Variants in RBMS3 observed in about 807,000 individuals in gnomAD.
RBMS3 encodes RNA binding motif single stranded interacting protein 3, also known as RNA-binding motif, single-stranded-interacting protein 3.
Under a neutral mutation model 66.8 loss-of-function variants are expected in RBMS3, and 27 were observed. The ratio of observed to expected loss-of-function variants is 0.40; its 90% confidence interval spans 0.30 to 0.56. The LOEUF (loss-of-function observed/expected upper bound fraction) is 0.56. Ranked by LOEUF, RBMS3 falls within the 20% of genes least tolerant of loss-of-function variation. The pLI, the probability that RBMS3 is intolerant of heterozygous loss-of-function variation, is 0.40. For missense variants in RBMS3, 513 were observed against 549.5 expected (o/e 0.93, Z 0.66); for synonymous variants, 188 against 183.0 (o/e 1.03, Z -0.22).
chr3:29,991,448 C>T (rs1280654209), intron 14 of RBMS3: 3 of 526,294 alleles, frequency 5.7e-6, no homozygotes, highest in Non-Finnish European at 9.7e-6. Flanking sequence ...TGCATCTCTG[C>T]TTCTGGGTGT....
chr3:29,681,000 A>G (rs1478477896), intron 4 of RBMS3, among the ~76,000 whole-genome samples: 1 of 152,216 alleles, frequency 6.6e-6, no homozygotes, highest in Non-Finnish European at 1.5e-5. Context: ...GTATGTCTGC[A>G]TTGATGCATA....
intron 12 of RBMS3, among the ~76,000 whole-genome samples, chr3:29,959,997 C>A (rs1559839359): frequency 6.6e-6 from 1 of 152,084 alleles, no homozygotes; most frequent in African/African-American, 2.4e-5. Context: ...ATGTCCTTAC[C>A]TTTCAAAACA....
At chr3:29,897,278 C>A in intron 8 of RBMS3, 101 bp from the exon 9 acceptor site, 6 of 1,001,844 alleles carry the variant, frequency 6.0e-6, no homozygotes, top group South Asian at 1.4e-5. Context: ...GAAAAACGTG[C>A]GGGTGGAAAT....
At chr3:29,841,619 CTGAA>C (rs773535695) in intron 6 of RBMS3, among the ~76,000 whole-genome samples, 6 of 151,912 alleles carry the variant, frequency 3.9e-5, no homozygotes, top group Non-Finnish European at 7.4e-5. Flanking sequence ...TAGGTATTAG[CTGAA>C]TGAATGAATA....
chr3:29,580,993 A>G (rs898268346), intron 3 of RBMS3, among the ~76,000 whole-genome samples: 2 of 152,114 alleles, frequency 1.3e-5, no homozygotes, highest in African/African-American at 4.8e-5. Context: ...TGCATTTTAT[A>G]TTTTTAAGAC....
At chr3:29,703,422 C>T (rs144627976) in intron 4 of RBMS3, among the ~76,000 whole-genome samples, 19 of 152,168 alleles carry the variant, frequency 1.2e-4, no homozygotes, top group African/African-American at 4.6e-4. Context: ...AGATCGGTTG[C>T]CAGAAACAAC....
At chr3:29,659,988 C>A (rs766784999) in intron 4 of RBMS3, among the ~76,000 whole-genome samples, 1 of 152,102 alleles carries the variant, frequency 6.6e-6, no homozygotes, top group Non-Finnish European at 1.5e-5. Flanking sequence ...TGATGTTAAG[C>A]GTCTTTAATT....
intron 3 of RBMS3, among the ~76,000 whole-genome samples, chr3:29,533,609 C>T (rs2045446255): frequency 6.6e-6 from 1 of 152,104 alleles, no homozygotes; most frequent in African/African-American, 2.4e-5. Flanking sequence ...AACCCCATCT[C>T]TACTAAAAAT....
At chr3:29,504,409 T>C (rs535848250) in intron 3 of RBMS3, among the ~76,000 whole-genome samples, 66 of 152,136 alleles carry the variant, frequency 4.3e-4, no homozygotes, top group Non-Finnish European at 6.8e-4. Context: ...AAAAATAATT[T>C]AAGAGGCAGT....
rs183921198 is a variant in RBMS3 at position 29,539,433 on chromosome 3, T to C, written c.308-47681T>C. ...TCCTACACAAGTAGCCTCAGCGTCTTGTGCATTTGGTTATTTGGAGGTCAG... is the reference window on the plus strand; with the variant it reads ...TCCTACACAAGTAGCCTCAGCGTCTCGTGCATTTGGTTATTTGGAGGTCAG... On this transcript the variant is annotated intron_variant, in intron 3 of 14. Coordinates refer to ENST00000383767, the MANE Select transcript of RBMS3 (RefSeq NM_001003793.3). Among the ~76,000 whole-genome samples, 197 of 152,312 alleles carry C rather than the reference T, an allele frequency of 1.3e-3. 1 individual carries two copies. Among genetic ancestry groups the C allele is most frequent in the Non-Finnish European group, 1.6e-4 (11 of 68,024 alleles).
intron 13 of RBMS3, 94 bp from the exon 14 acceptor site, chr3:29,990,988 T>C (rs1235376209): frequency 1.6e-6 from 2 of 1,272,132 alleles, no homozygotes; most frequent in Non-Finnish European, 2.2e-6. Context: ...GTATCTCTAC[T>C]TAAGCCAAAT....
In RBMS3 at chr3:30,007,413, G is replaced by C. The variant is rs1217595744; in HGVS notation, c.*3551G>C. On this transcript the variant is annotated 3_prime_UTR_variant, in exon 15 of 15. Transcript: ENST00000383767. ...TTTGGATGTTTCCATTTTTCCTTTT[G>C]ACTTTAATAGCCAAGACTTAGCTTA... The C allele has an allele frequency of 6.6e-6, 1 of 150,658 alleles. No homozygotes were observed. Among genetic ancestry groups the C allele is most frequent in the South Asian group, 2.1e-4 (1 of 4,778 alleles). 9.3% of individuals were successfully genotyped at this position (150,658 alleles called of 1,614,324 possible). A position where few individuals can be genotyped will look rare whatever the true frequency, so the allele number is the denominator to read the frequency against.
At chr3:29,359,453 T>A (rs2037429423) in intron 1 of RBMS3, among the ~76,000 whole-genome samples, 1 of 152,178 alleles carries the variant, frequency 6.6e-6, no homozygotes, top group African/African-American at 2.4e-5. Flanking sequence ...TTTGCCAGTA[T>A]TTTATTGAGG....
At chr3:29,515,849 T>G (rs978061645) in intron 3 of RBMS3, among the ~76,000 whole-genome samples, 10 of 152,330 alleles carry the variant, frequency 6.6e-5, no homozygotes, top group Non-Finnish European at 1.3e-4. Flanking sequence ...GTTCAAAAGC[T>G]TTGTGCTTTT....
At chr3:29,696,966 G>T (rs2052309999) in intron 4 of RBMS3, 3 of 952,320 alleles carry the variant, frequency 3.2e-6, no homozygotes, top group Middle Eastern at 5.4e-4. Flanking sequence ...ATTTTTGTAG[G>T]TACCCCTAGT....
chr3:29,348,375 G>T (rs1176066239), intron 1 of RBMS3, among the ~76,000 whole-genome samples: 1 of 152,212 alleles, frequency 6.6e-6, no homozygotes, highest in East Asian at 1.9e-4. Context: ...ATCGATGCAG[G>T]TGGGGTTGTG....
Position 29,714,570 on chromosome 3 carries a change from T to A in RBMS3, c.400-25150T>A, listed in dbSNP as rs2149311543. On this transcript the variant is annotated intron_variant, in intron 4 of 14. Transcript: ENST00000383767. The stretch of plus-strand genomic sequence containing the variant: ...ACTTGGTAACATAACCTTGTAGGGA[T>A]CACAGGTAGGAGAAGGAAGACAGAT... Among the ~76,000 whole-genome samples the A allele has an allele frequency of 2.6e-5, 4 of 152,296 alleles. No individual in the cohort carries two copies. In the South Asian group the frequency reaches 8.3e-4, roughly 32 times the overall value.
intron 1 of RBMS3, among the ~76,000 whole-genome samples, chr3:29,289,301 A>G (rs140058718): frequency 6.5e-4 from 99 of 151,956 alleles, no homozygotes; most frequent in East Asian, 1.4e-3. Context: ...CTGAAGCCCA[A>G]CTGCATATTT....
chr3:29,697,543 C>G (rs1230816056), intron 4 of RBMS3, among the ~76,000 whole-genome samples: 1 of 152,148 alleles, frequency 6.6e-6, no homozygotes, highest in East Asian at 1.9e-4. Flanking sequence ...AAGGAAGAAA[C>G]TTATTACAGT....
Sources: allele counts gnomAD v4.1 joint callset (sites outside exome capture counted in the v4.1 genomes callset), GRCh38; gene constraint gnomAD v4.1.1; transcripts MANE v1.5; gene names NCBI Gene and HGNC (gene_info 2026-07-23, HGNC 2026-07-21).